Variants in BLTP1 observed in about 807,000 individuals in gnomAD.
BLTP1 encodes the protein fragile site-associated protein.
chr4:122,292,365 C>A, the BLTP1 span: 1 of 860,648 alleles, frequency 1.2e-6, no homozygotes, highest in Non-Finnish European at 1.4e-6. Flanking sequence ...AAAAATTAGA[C>A]AGATGTGAAT....
At chr4:122,280,446 T>A in the BLTP1 span, among the ~76,000 whole-genome samples, 640 of 152,296 alleles carry the variant, frequency 4.2e-3, 2 homozygotes, top group African/African-American at 0.014. Context: ...TTATTCCCTA[T>A]GTCTGTAGCC....
At chr4:122,161,196 T>G in the BLTP1 span, 1 of 852,562 alleles carries the variant, frequency 1.2e-6, no homozygotes, top group Non-Finnish European at 1.4e-6. Context: ...GTGTGAAGAT[T>G]TGTGGATGGC....
the BLTP1 span, chr4:122,247,315 A>G: frequency 6.2e-7 from 1 of 1,613,460 alleles, no homozygotes; most frequent in Non-Finnish European, 8.5e-7. Context: ...TAAGTTAAAC[A>G]TTCATCGAGT....
At chr4:122,153,954 A>G in the BLTP1 span, 1 of 971,136 alleles carries the variant, frequency 1.0e-6, no homozygotes, top group Non-Finnish European at 1.2e-6. Flanking sequence ...AAATCATATA[A>G]TCAGAAATGG....
At chr4:122,187,359 G>T in the BLTP1 span, 2 of 1,584,586 alleles carry the variant, frequency 1.3e-6, no homozygotes, top group Non-Finnish European at 1.7e-6. Flanking sequence ...GTATGGTATT[G>T]TGAGGAAGTG....
the BLTP1 span, among the ~76,000 whole-genome samples, chr4:122,321,148 A>G: frequency 6.6e-6 from 1 of 152,126 alleles, no homozygotes; most frequent in Admixed American, 6.6e-5. Context: ...GAACCCCATC[A>G]TAAGTTGAGG....
the BLTP1 span, among the ~76,000 whole-genome samples, chr4:122,205,265 G>A: frequency 2.6e-5 from 4 of 151,588 alleles, no homozygotes; most frequent in Admixed American, 6.6e-5. Context: ...AATAATAAAC[G>A]CTACCATTTG....
the BLTP1 span, chr4:122,282,011 G>T: frequency 1.0e-6 from 1 of 981,706 alleles, no homozygotes; most frequent in African/African-American, 1.8e-5. Flanking sequence ...AACTATGGAG[G>T]CCATTTCTCC....
chr4:122,178,111 A>G, the BLTP1 span: 20 of 864,254 alleles, frequency 2.3e-5, no homozygotes, highest in Non-Finnish European at 2.6e-5. Flanking sequence ...ATCTTATAGA[A>G]TGCTTGAAAA....
the BLTP1 span, chr4:122,346,045 GGTA>G: frequency 1.0e-6 from 1 of 983,088 alleles, no homozygotes; most frequent in Non-Finnish European, 1.2e-6. Flanking sequence ...TCGCTATGTA[GGTA>G]TGGGCTCAGA....
At chr4:122,241,050 T>TA in the BLTP1 span, among the ~76,000 whole-genome samples, 1 of 152,134 alleles carries the variant, frequency 6.6e-6, no homozygotes. Flanking sequence ...AGTATATCAT[T>TA]ACAAAGTGAG....
chr4:122,181,661 A>G, the BLTP1 span, among the ~76,000 whole-genome samples: 2 of 151,372 alleles, frequency 1.3e-5, no homozygotes, highest in Non-Finnish European at 2.9e-5. Context: ...TCATTCCTCT[A>G]TCTAGTATAG....
At chr4:122,171,805 A>T in the BLTP1 span, 19 of 984,356 alleles carry the variant, frequency 1.9e-5, no homozygotes, top group African/African-American at 1.6e-4. Context: ...TTAAGAAAAA[A>T]ACAACAATAA....
chr4:122,219,213 G>A, the BLTP1 span: 2 of 1,446,172 alleles, frequency 1.4e-6, no homozygotes, highest in African/African-American at 1.4e-5. Flanking sequence ...TAAGACAATA[G>A]GCCTGATGCC....
the BLTP1 span, among the ~76,000 whole-genome samples, chr4:122,308,566 A>G: frequency 2.6e-5 from 4 of 152,124 alleles, no homozygotes; most frequent in Non-Finnish European, 5.9e-5. Context: ...GTAATAGAAT[A>G]GGGAATTCCA....
the BLTP1 span, among the ~76,000 whole-genome samples, chr4:122,242,144 A>G: frequency 2.6e-5 from 4 of 152,324 alleles, no homozygotes; most frequent in South Asian, 8.3e-4. Flanking sequence ...AAGGCAATTA[A>G]TTCAGTTTAT....
the BLTP1 span, chr4:122,281,859 G>A: frequency 7.3e-7 from 1 of 1,371,174 alleles, no homozygotes; most frequent in Non-Finnish European, 9.6e-7. Flanking sequence ...GGTAAATTTG[G>A]TTTTATAGAT....
the BLTP1 span, among the ~76,000 whole-genome samples, chr4:122,360,487 T>C: frequency 3.3e-5 from 5 of 152,302 alleles, no homozygotes; most frequent in African/African-American, 1.2e-4. Flanking sequence ...AACACTATTT[T>C]TAAAAATCCA....
At chr4:122,333,491 T>C in the BLTP1 span, 3 of 826,918 alleles carry the variant, frequency 3.6e-6, no homozygotes, top group Non-Finnish European at 3.5e-6. Flanking sequence ...TGTTTTTTTC[T>C]TGTAAATTTG....
Sources: gnomAD v4.1 joint callset for allele counts (sites outside exome capture counted in the v4.1 genomes callset) on GRCh38, gnomAD v4.1.1 for gene constraint, MANE v1.5 for transcripts, NCBI Gene and HGNC (gene_info 2026-07-23, HGNC 2026-07-21) for gene names.